The following PLEKHA5 variants were observed in gnomAD, a reference collection of about 807,000 sequenced individuals.
PLEKHA5 encodes the protein pleckstrin homology domain containing A5.
A neutral mutation model predicts 181.9 loss-of-function variants in PLEKHA5; 55 were observed. The observed-to-expected ratio is 0.30, with a 90% CI of 0.24 to 0.38. The LOEUF (loss-of-function observed/expected upper bound fraction) is 0.38, where lower values mean the gene tolerates loss of function less well. Ranked by LOEUF, PLEKHA5 falls within the 10% of genes least tolerant of loss-of-function variation. PLEKHA5 has a pLI of 1.00. For synonymous variants in PLEKHA5, 535 were observed against 529.4 expected (o/e 1.01, Z -0.15); for missense variants, 1,432 against 1,549.5 (o/e 0.92, Z 1.27).
intron 3 of PLEKHA5, among the ~76,000 whole-genome samples, chr12:19,159,312 G>A (rs899657857): frequency 2.4e-4 from 36 of 152,024 alleles, no homozygotes; most frequent in Non-Finnish European, 3.2e-4. Flanking sequence ...GGGCATTTAG[G>A]CTTAGAAAAG....
Position 19,162,594 on chromosome 12 carries a change from G to A in PLEKHA5, c.227+30144G>A, listed in dbSNP as rs549718170. Among the ~76,000 whole-genome samples, 102 of 151,900 alleles carry A rather than the reference G, an allele frequency of 6.7e-4. 1 individual carries two copies. The highest frequency in any genetic ancestry group is 2.4e-3 in the African/African-American group (100 of 41,460). On this transcript the variant is annotated intron_variant, in intron 3 of 31. Coordinates refer to ENST00000429027, the MANE Select transcript of PLEKHA5 (RefSeq NM_001256470.2). ...GCTTTAAAAAAAAAAAAAAGAGTTGGGGGCAGAGAGCCTGTTGTCTGCTAC... is the reference window on the plus strand; with the variant it reads ...GCTTTAAAAAAAAAAAAAAGAGTTGAGGGCAGAGAGCCTGTTGTCTGCTAC...
At chr12:19,285,350 A>G (rs1165560043) in intron 12 of PLEKHA5, among the ~76,000 whole-genome samples, 4 of 152,240 alleles carry the variant, frequency 2.6e-5, no homozygotes, top group African/African-American at 9.6e-5. Flanking sequence ...GACAGCAAAT[A>G]TGAGATGAAT....
chr12:19,246,287 G>GTT lies in PLEKHA5; in HGVS notation c.228-7652_228-7651dup, dbSNP rs1487536744. Among the ~76,000 whole-genome samples, 6 of 151,200 alleles carry GTT rather than the reference G, an allele frequency of 4.0e-5. 1 individual carries two copies. In the East Asian group the frequency reaches 1.0e-3, roughly 25 times the overall value. On this transcript the variant is annotated intron_variant, in intron 3 of 31. Transcript: ENST00000429027. Reference sequence around the variant, plus strand: ...GCCACTGCGCCTGGCTTGCTGCTTTGTTATATATATGTAACATTACTTGAA... The same window carrying GTT: ...GCCACTGCGCCTGGCTTGCTGCTTTGTTTTATATATATGTAACATTACTTGAA...
chr12:19,310,025 A>G (rs1359403079), intron 15 of PLEKHA5, among the ~76,000 whole-genome samples: 1 of 152,218 alleles, frequency 6.6e-6, no homozygotes, highest in East Asian at 1.9e-4. Context: ...TGCCTGAATC[A>G]TACATTTTCA....
intron 18 of PLEKHA5, among the ~76,000 whole-genome samples, chr12:19,321,824 T>C: frequency 6.6e-6 from 1 of 152,174 alleles, no homozygotes. Flanking sequence ...GTTGGGGACA[T>C]ATTTCCAATT....
chr12:19,293,806 C>T (rs1410137112), intron 15 of PLEKHA5, among the ~76,000 whole-genome samples: 1 of 152,138 alleles, frequency 6.6e-6, no homozygotes, highest in Non-Finnish European at 1.5e-5. Context: ...TTTCCCACAT[C>T]GAGATTGTGT....
intron 3 of PLEKHA5, among the ~76,000 whole-genome samples, chr12:19,234,725 A>G (rs1327025350): frequency 2.0e-5 from 3 of 152,064 alleles, no homozygotes; most frequent in Non-Finnish European, 4.4e-5. Context: ...ACCTAAACCA[A>G]CTCTGCCAGG....
At chr12:19,157,279 A>G (rs937788714) in intron 3 of PLEKHA5, among the ~76,000 whole-genome samples, 3 of 152,208 alleles carry the variant, frequency 2.0e-5, no homozygotes, top group Non-Finnish European at 4.4e-5. Flanking sequence ...TTAAACAAAT[A>G]CTTTATGTCA....
chr12:19,257,520 G>C lies in PLEKHA5; in HGVS notation c.520G>C (p.Gly174Arg). 1 of 1,587,732 alleles carries C rather than the reference G, an allele frequency of 6.3e-7. No individual in the cohort carries two copies. Among genetic ancestry groups the C allele is most frequent in the Non-Finnish European group, 8.6e-7 (1 of 1,165,826 alleles). The change falls in exon 6 of 32, where the codon GGT becomes CGT. Residue 174 changes from glycine (G) to arginine (R), a missense_variant. This residue lies in a region of PLEKHA5 where 289 missense variants were observed against 381.1 expected (regional missense o/e 0.76). Coordinates refer to ENST00000429027, the MANE Select transcript of PLEKHA5 (RefSeq NM_001256470.2). Reference protein sequence around the residue: ...RNPNAPVVRRGWLYKQDSTGM... With the variant: ...RNPNAPVVRRRWLYKQDSTGM... ...TCCTAATGCACCGGTTGTCAGACGA[G>C]GTTGGCTTTATAAACAGGTATTTTT...
At chr12:19,278,651 T>G (rs998058520) in intron 11 of PLEKHA5, among the ~76,000 whole-genome samples, 3 of 152,126 alleles carry the variant, frequency 2.0e-5, no homozygotes, top group Non-Finnish European at 4.4e-5. Context: ...CAGCTCTGGA[T>G]GTTTTCCAGT....
At chr12:19,217,454 T>G (rs1457154061) in intron 3 of PLEKHA5, among the ~76,000 whole-genome samples, 1 of 152,228 alleles carries the variant, frequency 6.6e-6, no homozygotes, top group East Asian at 1.9e-4. Flanking sequence ...ACATAAATGC[T>G]TAATAAATTT....
intron 3 of PLEKHA5, among the ~76,000 whole-genome samples, 186 bp from the exon 4 acceptor site, chr12:19,253,754 A>T (rs1565523740): frequency 6.6e-6 from 1 of 152,108 alleles, no homozygotes; most frequent in Non-Finnish European, 1.5e-5. Context: ...CAGAAGGCAG[A>T]GGTTGTAGTA....
intron 23 of PLEKHA5, among the ~76,000 whole-genome samples, chr12:19,346,156 G>GT (rs2094317308): frequency 6.6e-6 from 1 of 152,032 alleles, no homozygotes; most frequent in African/African-American, 2.4e-5. Flanking sequence ...TCTAAGTAAT[G>GT]TTTGAATACT....
chr12:19,141,757 C>T (rs563769295), intron 3 of PLEKHA5, among the ~76,000 whole-genome samples: 1 of 136,242 alleles, frequency 7.3e-6, no homozygotes, highest in African/African-American at 2.5e-5. Context: ...TGATTTAGCA[C>T]AAGTGGCAGT....
At chr12:19,255,544 G>C (rs1433612469) in intron 5 of PLEKHA5, among the ~76,000 whole-genome samples, 1 of 151,692 alleles carries the variant, frequency 6.6e-6, no homozygotes, top group African/African-American at 2.4e-5. Flanking sequence ...TAAGGAAATA[G>C]ATAATTATAA....
chr12:19,263,804 G>T (rs1328831275), intron 7 of PLEKHA5, among the ~76,000 whole-genome samples: 2 of 152,268 alleles, frequency 1.3e-5, no homozygotes, highest in East Asian at 3.9e-4. Flanking sequence ...GTGGCAAAGT[G>T]AAGGAAGGAA....
chr12:19,219,029 A>G (rs186713399), intron 3 of PLEKHA5, among the ~76,000 whole-genome samples: 19 of 151,978 alleles, frequency 1.3e-4, no homozygotes, highest in African/African-American at 4.3e-4. Flanking sequence ...TGAAAAAGAA[A>G]CTACAGTTGA....
At chr12:19,367,617 T>C (rs1235179123) in intron 30 of PLEKHA5, among the ~76,000 whole-genome samples, 1 of 151,868 alleles carries the variant, frequency 6.6e-6, no homozygotes, top group Non-Finnish European at 1.5e-5. Flanking sequence ...TCTTGCTCTG[T>C]TGCCCAGGCT....
chr12:19,233,470 A>G lies in PLEKHA5; in HGVS notation c.228-20470A>G, dbSNP rs564229292. Among the ~76,000 whole-genome samples the G allele has an allele frequency of 3.9e-5, 6 of 152,282 alleles. No individual in the cohort carries two copies. The East Asian group carries it at 1.2e-3, about 29-fold the overall frequency. On this transcript the variant is annotated intron_variant, in intron 3 of 31. Coordinates refer to ENST00000429027, the MANE Select transcript of PLEKHA5 (RefSeq NM_001256470.2). ...GGAGATCTGTTTCTTAACCGTTAAA[A>G]GAACTACTTTAAATATGTGTGATGA...
Sources: gnomAD v4.1 joint callset for allele counts (sites outside exome capture counted in the v4.1 genomes callset) on GRCh38, gnomAD v4.1.1 for gene constraint, gnomAD v4.1.1 regional missense constraint, MANE v1.5 for transcripts, NCBI Gene and HGNC (gene_info 2026-07-23, HGNC 2026-07-21) for gene names.